Variants in SPOP observed in about 807,000 individuals in gnomAD.
The protein encoded by SPOP is speckle type BTB/POZ protein.
Under a neutral mutation model 45.6 loss-of-function variants are expected in SPOP, and 11 were observed. The ratio of observed to expected loss-of-function variants is 0.24; its 90% CI spans 0.15 to 0.40. The LOEUF (loss-of-function observed/expected upper bound fraction) is 0.40. Among genes scored for constraint, SPOP ranks in the 10% least tolerant of loss-of-function variants. The probability of loss-of-function intolerance (pLI) is 1.00; values close to 1 mark genes in which losing one functional copy is unlikely to be tolerated. For missense variants in SPOP, 152 were observed against 465.6 expected, an observed-to-expected ratio of 0.33 and a Z score of 6.20; for synonymous variants, 166 against 166.3, an observed-to-expected ratio of 1.00 and a Z score of 0.01.
At chr17:49,677,687 T>A (rs1282800692) in intron 1 of SPOP, among the ~76,000 whole-genome samples, 8 of 100,218 alleles carry the variant, frequency 8.0e-5, no homozygotes, top group African/African-American at 3.2e-4. Flanking sequence ...TGGGAAATGA[T>A]GGGGGGGCTG....
intron 1 of SPOP, among the ~76,000 whole-genome samples, chr17:49,624,578 C>T (rs953473223): frequency 7.2e-5 from 11 of 152,150 alleles, no homozygotes; most frequent in Non-Finnish European, 1.6e-4. Flanking sequence ...AAGCAATCCT[C>T]CTACCTCAGC....
At chr17:49,623,207 C>T (rs1381289773) in intron 1 of SPOP, among the ~76,000 whole-genome samples, 1 of 152,098 alleles carries the variant, frequency 6.6e-6, no homozygotes, top group South Asian at 2.1e-4. Context: ...GGGGTTTCTC[C>T]ATGTTAGTCA....
chr17:49,611,610 C>T (rs1035619570), intron 5 of SPOP, among the ~76,000 whole-genome samples, 153 bp from the exon 6 acceptor site: 1 of 152,096 alleles, frequency 6.6e-6, no homozygotes, highest in Admixed American at 6.6e-5. Context: ...AGGCTTTAGC[C>T]CCGGATCAAG....
At chr17:49,670,867 TA>T (rs202240495) in intron 1 of SPOP, among the ~76,000 whole-genome samples, 101 of 151,896 alleles carry the variant, frequency 6.6e-4, no homozygotes, top group African/African-American at 1.8e-3. Context: ...AATCTAGTAA[TA>T]AAAAAAATAT....
chr17:49,665,542 G>A (rs1424472258), intron 1 of SPOP, among the ~76,000 whole-genome samples: 1 of 151,452 alleles, frequency 6.6e-6, no homozygotes, highest in Non-Finnish European at 1.5e-5. Context: ...GTGAACCCAG[G>A]AGGCGGAGCT....
At chr17:49,653,258 C>T (rs1215800970) in intron 1 of SPOP, among the ~76,000 whole-genome samples, 1 of 151,912 alleles carries the variant, frequency 6.6e-6, no homozygotes, top group Non-Finnish European at 1.5e-5. Flanking sequence ...ATATACATAA[C>T]CTAAGTAATT....
chr17:49,640,060 G>T lies in SPOP; in HGVS notation c.-66-17184C>A, dbSNP rs146062515. On this transcript the variant is annotated intron_variant, in intron 1 of 9. Coordinates refer to ENST00000504102, the MANE Select transcript of SPOP (RefSeq NM_001007228.2). The stretch of plus-strand genomic sequence containing the variant: ...AGATCAGGAGTTCAAGACCAGCCTG[G>T]CCAACATGGTGAAACACCATCTCTA... Among the ~76,000 whole-genome samples, 19 of 152,110 alleles carry T rather than the reference G, an allele frequency of 1.2e-4. 1 individual carries two copies. The East Asian group carries it at 3.7e-3, about 29-fold the overall frequency.
At chr17:49,664,207 A>C (rs2073023997) in intron 1 of SPOP, among the ~76,000 whole-genome samples, 1 of 152,208 alleles carries the variant, frequency 6.6e-6, no homozygotes, top group African/African-American at 2.4e-5. Context: ...AAGAATATGC[A>C]CAATTGTCTG....
At chr17:49,657,008 C>T (rs1264312114) in intron 1 of SPOP, among the ~76,000 whole-genome samples, 4 of 151,802 alleles carry the variant, frequency 2.6e-5, no homozygotes, top group Non-Finnish European at 4.4e-5. Flanking sequence ...AGTGAAATCC[C>T]GTCTCTACTA....
chr17:49,611,317 G>A lies in SPOP; in HGVS notation c.621C>T (p.Ala207=), dbSNP rs148282868. The change falls in exon 6 of 10, where the codon GCC becomes GCT. Residue 207 remains alanine, a synonymous_variant. Transcript: ENST00000504102. ...SRFTDCCLCV[A]GQEFQAHKAI... The stretch of plus-strand genomic sequence containing the variant: ...CCTTGTGAGCCTGGAATTCCTGGCC[G>A]GCAACACACAAGCAGCAGTCTGTGA... 29 of 1,613,952 alleles carry A rather than the reference G, an allele frequency of 1.8e-5. No homozygotes were observed. The African/African-American group carries it at 2.1e-4, about 12-fold the overall frequency.
chr17:49,663,890 T>C (rs1451282349), intron 1 of SPOP, among the ~76,000 whole-genome samples: 2 of 152,246 alleles, frequency 1.3e-5, no homozygotes, highest in African/African-American at 4.8e-5. Context: ...CTGTAGCTAC[T>C]TGACAGCTTC....
intron 1 of SPOP, among the ~76,000 whole-genome samples, chr17:49,647,312 T>TCAAA (rs1567794308): frequency 4.9e-5 from 4 of 81,922 alleles, no homozygotes; most frequent in African/African-American, 2.3e-4. Flanking sequence ...AGATGCCGTC[T>TCAAA]TAAAAAAAAA....
chr17:49,673,570 C>T (rs1264770544), intron 1 of SPOP, among the ~76,000 whole-genome samples: 5 of 152,028 alleles, frequency 3.3e-5, no homozygotes, highest in Non-Finnish European at 2.9e-5. Flanking sequence ...AAAATGTGAA[C>T]AACTGTTGAA....
chr17:49,626,943 G>A (rs1237648566), intron 1 of SPOP, among the ~76,000 whole-genome samples: 3 of 152,002 alleles, frequency 2.0e-5, no homozygotes, highest in Non-Finnish European at 2.9e-5. Context: ...TCCGCCTCCC[G>A]GGTTCATGCC....
At chr17:49,664,377 C>A (rs2073025965) in intron 1 of SPOP, among the ~76,000 whole-genome samples, 1 of 151,968 alleles carries the variant, frequency 6.6e-6, no homozygotes. Context: ...AAGAGACTTG[C>A]AGAAATGTAA....
At chr17:49,636,642 T>C (rs1037160680) in intron 1 of SPOP, 4 of 152,242 alleles carry the variant, frequency 2.6e-5, no homozygotes, top group African/African-American at 7.2e-5. Flanking sequence ...AATGAAACAG[T>C]AGATTGTACT....
chr17:49,663,257 G>A (rs2073012491), intron 1 of SPOP, among the ~76,000 whole-genome samples: 1 of 152,220 alleles, frequency 6.6e-6, no homozygotes, highest in East Asian at 1.9e-4. Flanking sequence ...ATGCAAATGG[G>A]AGGGATCTAG....
Position 49,670,440 on chromosome 17 carries a change from T to G in SPOP, c.-67+7493A>C, listed in dbSNP as rs556208516. On this transcript the variant is annotated intron_variant, in intron 1 of 9. Coordinates refer to ENST00000504102, the MANE Select transcript of SPOP (RefSeq NM_001007228.2). ...TGAAACCAGGTTGAGAATAACCTTG[T>G]AAATATGACAAAATGGTAAAAAGAA... 1.0e-3 allele frequency among the ~76,000 whole-genome samples: 158 copies of G among 152,302 alleles called. 1 individual carries two copies. Among genetic ancestry groups the G allele is most frequent in the Middle Eastern group, 3.4e-3 (1 of 294 alleles).
At chr17:49,616,130 G>C (rs556562049) in intron 5 of SPOP, among the ~76,000 whole-genome samples, 1 of 152,214 alleles carries the variant, frequency 6.6e-6, no homozygotes, top group African/African-American at 2.4e-5. Flanking sequence ...ACTCAATGTA[G>C]GGCACATTAT....
Sources: gnomAD v4.1 joint callset for allele counts (sites outside exome capture counted in the v4.1 genomes callset) on GRCh38, gnomAD v4.1.1 for gene constraint, MANE v1.5 for transcripts, NCBI Gene and HGNC (gene_info 2026-07-23, HGNC 2026-07-21) for gene names.